CASS4: variants seen among roughly 807,000 people sequenced by gnomAD.
CASS4 encodes the protein Cas scaffold protein family member 4.
CASS4 carries 22 observed loss-of-function variants against 54.2 expected under a neutral mutation model. The observed-to-expected ratio is 0.41, with a 90% CI of 0.29 to 0.58. The LOEUF (loss-of-function observed/expected upper bound fraction) is 0.58, where lower values mean the gene tolerates loss of function less well. CASS4 is among the 20% of genes least tolerant of loss of function. The pLI is 0.36. For missense variants in CASS4, 854 were observed against 986.7 expected (o/e 0.87, Z 1.80); for synonymous variants, 409 against 391.5 (o/e 1.04, Z -0.53).
rs1600782677 is a variant in CASS4 at position 56,458,950 on chromosome 20, T to A, written c.*203T>A. 1.7e-6 allele frequency: 1 copy of A among 575,368 alleles called. No individual in the cohort carries two copies. Among genetic ancestry groups the A allele is most frequent in the Non-Finnish European group, 3.1e-6 (1 of 323,568 alleles). 35.6% of individuals were successfully genotyped at this position (575,368 alleles called of 1,614,324 possible). The stretch of plus-strand genomic sequence containing the variant: ...CAGGGGGTCAGGAAAGAGAGTCAGG[T>A]ATGAGGTAAAGACCTTGTGAAGTTT... On this transcript the variant is annotated 3_prime_UTR_variant, in exon 6 of 6. Transcript: ENST00000679887.
Position 56,435,232 on chromosome 20 carries a change from A to G in CASS4, c.37-1932A>G, listed in dbSNP as rs150103772. Among the ~76,000 whole-genome samples the G allele has an allele frequency of 2.9e-3, 436 of 152,354 alleles. 2 individuals carry two copies. Among genetic ancestry groups the G allele is most frequent in the African/African-American group, 0.01 (422 of 41,588 alleles). On this transcript the variant is annotated intron_variant, in intron 1 of 5. Coordinates refer to ENST00000679887, the MANE Select transcript of CASS4 (RefSeq NM_020356.4). Reference sequence around the variant, plus strand: ...GGTCTTCCAATTCCATTTTTGTAACAGAATAGAGATATTAGGCAAGAAGCA... The same window carrying G: ...GGTCTTCCAATTCCATTTTTGTAACGGAATAGAGATATTAGGCAAGAAGCA...
intron 3 of CASS4, among the ~76,000 whole-genome samples, chr20:56,446,572 G>T (rs1980723275): frequency 6.6e-6 from 1 of 152,024 alleles, no homozygotes; most frequent in Admixed American, 6.6e-5. Flanking sequence ...TATATAAGTG[G>T]AATATCACAT....
Position 56,414,540 on chromosome 20 carries a change from AGT to A in CASS4, c.36+2047_36+2048del, listed in dbSNP as rs1477437656. 6.6e-6 allele frequency among the ~76,000 whole-genome samples: 1 copy of A among 152,140 alleles called. No homozygotes were observed. Among genetic ancestry groups the A allele is most frequent in the African/African-American group, 2.4e-5 (1 of 41,438 alleles). Reference sequence around the variant, plus strand: ...GTGATTCTTCTGCCTCAGCCTCCCAAGTACAGGATTACAGGTGCACACCACCG... The same window carrying A: ...GTGATTCTTCTGCCTCAGCCTCCCAAACAGGATTACAGGTGCACACCACCG... On this transcript the variant is annotated intron_variant, in intron 1 of 5. Coordinates refer to ENST00000679887, the MANE Select transcript of CASS4 (RefSeq NM_020356.4). This position sits in a 1 kb window ranked among gnomAD's most constrained non-coding sequence, Gnocchi z 4.1.
Position 56,452,735 on chromosome 20 carries a change from T to C in CASS4, c.1559T>C (p.Met520Thr), listed in dbSNP as rs550251334. 1 of 1,614,116 alleles carries C rather than the reference T, an allele frequency of 6.2e-7. No individual in the cohort carries two copies. Among genetic ancestry groups the C allele is most frequent in the Admixed American group, 1.7e-5 (1 of 60,012 alleles). The stretch of plus-strand genomic sequence containing the variant: ...CTTCAGAACAGAATTCGGGACCAGA[T>C]GCAGACCATCTCCAACTCCTACCGC... Reference protein sequence around the residue: ...SNLQNRIRDQMQTISNSYRIL... With the variant: ...SNLQNRIRDQTQTISNSYRIL... Residue 520 changes from methionine (M) to threonine (T), a missense_variant, in exon 5 of 6, where the codon ATG (methionine) becomes ACG (threonine). Coordinates refer to ENST00000679887, the MANE Select transcript of CASS4 (RefSeq NM_020356.4).
intron 2 of CASS4, among the ~76,000 whole-genome samples, chr20:56,443,363 G>A (rs1980550727): frequency 6.6e-6 from 1 of 150,462 alleles, no homozygotes; most frequent in Non-Finnish European, 1.5e-5. Context: ...CAGCTACTCG[G>A]GAGGCTGAGG....
At chr20:56,439,013 T>G (rs975645941) in intron 2 of CASS4, among the ~76,000 whole-genome samples, 8 of 152,216 alleles carry the variant, frequency 5.3e-5, no homozygotes, top group African/African-American at 1.9e-4. Flanking sequence ...AGCAGTAAGC[T>G]GGGGCCTTTA....
At chr20:56,448,467 C>T (rs1474137505) in intron 3 of CASS4, among the ~76,000 whole-genome samples, 4 of 152,072 alleles carry the variant, frequency 2.6e-5, no homozygotes, top group East Asian at 1.9e-4. Flanking sequence ...CCAGAGTCAG[C>T]GCCCAACCAC....
chr20:56,457,478 A>G (rs1981355100), intron 5 of CASS4, among the ~76,000 whole-genome samples: 1 of 152,204 alleles, frequency 6.6e-6, no homozygotes, highest in South Asian at 2.1e-4. Flanking sequence ...AATAAAATTC[A>G]TGAATGTAAA....
At chr20:56,420,585 G>A (rs1469521702) in intron 1 of CASS4, among the ~76,000 whole-genome samples, 9 of 148,736 alleles carry the variant, frequency 6.1e-5, no homozygotes, top group African/African-American at 2.2e-4. Flanking sequence ...AGAGATGAGG[G>A]GCTCTCCCTA....
chr20:56,429,801 C>T (rs1455806028), intron 1 of CASS4, among the ~76,000 whole-genome samples: 1 of 152,154 alleles, frequency 6.6e-6, no homozygotes, highest in African/African-American at 2.4e-5. Context: ...TCCCTAAGCC[C>T]TCACCCATCA....
intron 5 of CASS4, among the ~76,000 whole-genome samples, chr20:56,455,517 C>T (rs1393522239): frequency 2.6e-5 from 4 of 152,226 alleles, no homozygotes; most frequent in African/African-American, 9.7e-5. Flanking sequence ...ACCCCAAACA[C>T]TAGTCTTTGG....
chr20:56,434,461 G>C (rs1401706749), intron 1 of CASS4, among the ~76,000 whole-genome samples: 2 of 152,114 alleles, frequency 1.3e-5, no homozygotes, highest in Non-Finnish European at 2.9e-5. Context: ...ATTTGAGATG[G>C]AGTCTCACTC....
At position 56,454,779 on chromosome 20, in the gene CASS4, G is replaced by A. The variant is rs560809678; in HGVS notation, c.1953+1650G>A. 8.5e-5 allele frequency among the ~76,000 whole-genome samples: 13 copies of A among 152,280 alleles called. No individual in the cohort carries two copies. The South Asian group carries it at 1.7e-3, about 19-fold the overall frequency. On this transcript the variant is annotated intron_variant, in intron 5 of 5. Coordinates refer to ENST00000679887, the MANE Select transcript of CASS4 (RefSeq NM_020356.4). The stretch of plus-strand genomic sequence containing the variant: ...ACTCTCTAAAGCTTCTGATTCATAC[G>A]CTCTATTGCTAGATTCGTCTCATCA...
In CASS4 at chr20:56,437,481, T is replaced by C. The variant is rs1287986933; in HGVS notation, c.354T>C (p.Ser118=). The C allele has an allele frequency of 1.2e-6, 2 of 1,608,452 alleles. No individual in the cohort carries two copies. The highest frequency in any genetic ancestry group is 1.4e-5 in the African/African-American group (1 of 73,704). ...TPGPVYEQMR[S]WAEGPQPPTA... ...GCCCCGTTTATGAGCAGATGAGGAG[T>C]TGGGCGGAGGGGCCCCAGCCCCCTA... The change falls in exon 2 of 6, where the codon AGT becomes AGC. Residue 118 remains serine (S), a synonymous_variant. Transcript: ENST00000679887. The surrounding 1 kb of genome is among the most constrained non-coding windows in gnomAD (Gnocchi z 4.7).
At chr20:56,448,348 T>C (rs190868742) in intron 3 of CASS4, among the ~76,000 whole-genome samples, 19 of 152,272 alleles carry the variant, frequency 1.2e-4, no homozygotes, top group Admixed American at 1.2e-3. Flanking sequence ...GGTGCCCTCT[T>C]AATGTTGTGC....
At chr20:56,422,129 A>G (rs1198180002) in intron 1 of CASS4, among the ~76,000 whole-genome samples, 2 of 152,238 alleles carry the variant, frequency 1.3e-5, no homozygotes, top group African/African-American at 2.4e-5. Context: ...ACTTGATCCA[A>G]CAGTTCCCCA....
At chr20:56,422,573 G>A (rs1979461787) in intron 1 of CASS4, among the ~76,000 whole-genome samples, 3 of 152,040 alleles carry the variant, frequency 2.0e-5, no homozygotes, top group Non-Finnish European at 2.9e-5. Flanking sequence ...GGAAGCAAAT[G>A]TTTCATTTCC....
chr20:56,456,143 C>T (rs1445273549), intron 5 of CASS4, among the ~76,000 whole-genome samples: 2 of 151,942 alleles, frequency 1.3e-5, no homozygotes, highest in Non-Finnish European at 2.9e-5. Context: ...CACCGTTGGC[C>T]ACCGGGTGGA....
chr20:56,425,402 A>C (rs1237538635), intron 1 of CASS4, among the ~76,000 whole-genome samples: 1 of 152,222 alleles, frequency 6.6e-6, no homozygotes, highest in Non-Finnish European at 1.5e-5. Flanking sequence ...AAATGCTCAC[A>C]AAATCAGCTA....
Sources: allele counts gnomAD v4.1 joint callset (sites outside exome capture counted in the v4.1 genomes callset), GRCh38; gene constraint gnomAD v4.1.1; non-coding constraint Gnocchi (gnomAD v3.1); transcripts MANE v1.5; gene names NCBI Gene and HGNC (gene_info 2026-07-23, HGNC 2026-07-21).